Variants in TRAPPC9 observed in about 807,000 individuals in gnomAD.
TRAPPC9 encodes trafficking protein particle complex subunit 9, also known as IKK2 binding protein.
TRAPPC9 carries 83 observed loss-of-function variants against 124.0 expected under a neutral mutation model. The ratio of observed to expected loss-of-function variants is 0.67; its 90% CI spans 0.56 to 0.80. The LOEUF is 0.80. Among genes scored for constraint, TRAPPC9 ranks in the 30% least tolerant of loss-of-function variants. The pLI is 0.00. For missense variants in TRAPPC9, 1,302 were observed against 1,508.3 expected (o/e 0.86, Z 2.27); for synonymous variants, 638 against 617.5 (o/e 1.03, Z -0.49).
intron 17 of TRAPPC9, among the ~76,000 whole-genome samples, chr8:140,027,411 T>C (rs187030034): frequency 3.3e-5 from 5 of 152,316 alleles, no homozygotes; most frequent in Admixed American, 2.6e-4. Context: ...ACTGGCTTCT[T>C]GTTTGTTTTT....
chr8:139,731,643 G>A (rs1286184187), intron 22 of TRAPPC9, among the ~76,000 whole-genome samples: 1 of 152,142 alleles, frequency 6.6e-6, no homozygotes, highest in Non-Finnish European at 1.5e-5. Context: ...AGGAGCGGCA[G>A]GCACGGGATG....
chr8:139,973,933 G>T (rs974088282), intron 19 of TRAPPC9, among the ~76,000 whole-genome samples: 1 of 152,150 alleles, frequency 6.6e-6, no homozygotes, highest in Non-Finnish European at 1.5e-5. Flanking sequence ...ACCTGGGAGG[G>T]AGAAATGATC....
intron 18 of TRAPPC9, among the ~76,000 whole-genome samples, chr8:140,018,324 A>ATTTTTTCTTTTTTTTTTTTTTTTCT (rs765656679): frequency 1.7e-5 from 2 of 119,778 alleles, no homozygotes; most frequent in African/African-American, 6.5e-5. Context: ...AACGTAAGTG[A>ATTTTTTCTTTTTTTTTTTTTTTTCT]TTTTTTTTTT....
At position 140,405,596 on chromosome 8, in the gene TRAPPC9, G is replaced by A. The variant is rs760718123; in HGVS notation, c.989C>T (p.Ala330Val). 8 of 1,613,998 alleles carry A rather than the reference G, an allele frequency of 5.0e-6. No homozygotes were observed. Among genetic ancestry groups the A allele is most frequent in the South Asian group, 2.2e-5 (2 of 91,080 alleles). The change falls in exon 6 of 23, where the codon GCG (alanine) becomes GTG (valine). Residue 330 changes from alanine to valine, a missense_variant. Ala to Val is a moderately conservative substitution (Grantham distance 64). Transcript: ENST00000438773. ...AATCACCTTGCTGTAATAGGAAATC[G>A]CCTCTTTATACTTGTCAATTATGTC... ...PEDIIDKYKE[A>V]ISYYSKYKNA...
At chr8:139,973,667 C>G (rs1049542417) in intron 19 of TRAPPC9, among the ~76,000 whole-genome samples, 1 of 152,196 alleles carries the variant, frequency 6.6e-6, no homozygotes, top group African/African-American at 2.4e-5. Flanking sequence ...GCGCTGACCC[C>G]GGAAGGCACG....
chr8:140,151,256 C>T (rs1349084309), intron 17 of TRAPPC9, among the ~76,000 whole-genome samples: 10 of 152,172 alleles, frequency 6.6e-5, no homozygotes, highest in Admixed American at 6.5e-4. Context: ...TAATCTCAGG[C>T]CTCCGGGCTC....
intron 21 of TRAPPC9, among the ~76,000 whole-genome samples, chr8:139,873,225 G>C (rs1309365615): frequency 6.6e-6 from 1 of 152,150 alleles, no homozygotes; most frequent in Non-Finnish European, 1.5e-5. Flanking sequence ...CTGCTGATTT[G>C]TCTGGGAACG....
At chr8:139,971,010 C>A (rs934146012) in intron 19 of TRAPPC9, among the ~76,000 whole-genome samples, 5 of 152,006 alleles carry the variant, frequency 3.3e-5, no homozygotes, top group African/African-American at 1.2e-4. Flanking sequence ...ATACCCCACA[C>A]CCCTAAACCC....
intron 21 of TRAPPC9, among the ~76,000 whole-genome samples, chr8:139,871,669 AGAG>A (rs1828910942): frequency 6.6e-6 from 1 of 152,244 alleles, no homozygotes; most frequent in South Asian, 2.1e-4. Context: ...GCAGGCAGCT[AGAG>A]GAGGAGGAGT....
At chr8:140,370,179 G>A (rs570086874) in intron 8 of TRAPPC9, among the ~76,000 whole-genome samples, 25 of 150,236 alleles carry the variant, frequency 1.7e-4, no homozygotes, top group African/African-American at 5.4e-4. Context: ...TTTCTCTGTC[G>A]CCCAGGCTGG....
chr8:140,045,650 A>AAAAC lies in TRAPPC9; in HGVS notation c.2557-21572_2557-21571insGTTT, dbSNP rs1554614220. Among the ~76,000 whole-genome samples, 392 of 111,614 alleles carry AAAAC rather than the reference A, an allele frequency of 3.5e-3. 37 individuals carry two copies. The highest frequency in any genetic ancestry group is 0.029 in the Middle Eastern group (5 of 172). The allele number at this position is 111,614 out of a possible 152,430, so 73.2% of individuals were successfully genotyped here. A position where few individuals can be genotyped will look rare whatever the true frequency, so the allele number is the denominator to read the frequency against. ...TCGGCAGAAAAAAAAAAAAAAAAAAAAAAAAAAAACCAAGTCAGGTCCTTT... is the reference window on the plus strand; with the variant it reads ...TCGGCAGAAAAAAAAAAAAAAAAAAAAAACAAAAAAAAACCAAGTCAGGTCCTTT... On this transcript the variant is annotated intron_variant, in intron 17 of 22. Transcript: ENST00000438773.
intron 21 of TRAPPC9, among the ~76,000 whole-genome samples, chr8:139,809,285 A>G (rs142263075): frequency 7.8e-4 from 119 of 152,178 alleles, no homozygotes; most frequent in African/African-American, 1.9e-3. Context: ...GTCTGCCCTG[A>G]GTGCATCAGC....
intron 16 of TRAPPC9, among the ~76,000 whole-genome samples, chr8:140,237,733 CG>C (rs2063759181): frequency 6.6e-6 from 1 of 152,122 alleles, no homozygotes; most frequent in Non-Finnish European, 1.5e-5. Flanking sequence ...CTGAGGGTGA[CG>C]GGATGCCACC....
chr8:140,233,280 C>T (rs1376707829), intron 16 of TRAPPC9, among the ~76,000 whole-genome samples: 1 of 152,018 alleles, frequency 6.6e-6, no homozygotes, highest in Admixed American at 6.5e-5. Context: ...TCTCAGCTCA[C>T]TGCAACCTCT....
At chr8:140,125,805 T>C (rs2061084915) in intron 17 of TRAPPC9, among the ~76,000 whole-genome samples, 1 of 151,922 alleles carries the variant, frequency 6.6e-6, no homozygotes, top group African/African-American at 2.4e-5. Context: ...CAGATCCTTG[T>C]TTGTTCCAAA....
intron 10 of TRAPPC9, among the ~76,000 whole-genome samples, chr8:140,306,533 G>A (rs531832931): frequency 2.9e-4 from 43 of 150,764 alleles, no homozygotes; most frequent in Admixed American, 2.6e-4. Flanking sequence ...TATGGAGCAA[G>A]GACATCACAT....
chr8:139,865,866 C>T (rs1828494847), intron 21 of TRAPPC9, among the ~76,000 whole-genome samples: 2 of 152,184 alleles, frequency 1.3e-5, no homozygotes, highest in Non-Finnish European at 2.9e-5. Flanking sequence ...GTGACACAGC[C>T]CTCAGGAGGT....
chr8:140,229,251 CTT>C (rs528175891), intron 16 of TRAPPC9, among the ~76,000 whole-genome samples: 53 of 99,770 alleles, frequency 5.3e-4, no homozygotes, highest in East Asian at 2.6e-3. Flanking sequence ...TTTTCTTTTT[CTT>C]TTTTTTTTTT....
At chr8:140,183,878 AAGAAGAAGAAGAGGAGAGGAGAGGAGAGG>A (rs1452221629) in intron 17 of TRAPPC9, among the ~76,000 whole-genome samples, 4 of 108,228 alleles carry the variant, frequency 3.7e-5, no homozygotes, top group South Asian at 3.6e-4. Flanking sequence ...GAAGAAGAAG[AAGAAGAAGAAGAGGAGAGGAGAGGAGAGG>A]AGAGGAGAGG....
Sources: gnomAD v4.1 joint callset for allele counts (sites outside exome capture counted in the v4.1 genomes callset) on GRCh38, gnomAD v4.1.1 for gene constraint, MANE v1.5 for transcripts, NCBI Gene and HGNC (gene_info 2026-07-23, HGNC 2026-07-21) for gene names.